Variants in CTNNA2 observed in about 807,000 individuals in gnomAD.
The protein encoded by CTNNA2 is catenin alpha-2.
A neutral mutation model predicts 101.0 loss-of-function variants in CTNNA2; 42 were observed. The observed-to-expected ratio is 0.42, with a 90% confidence interval of 0.32 to 0.54. CTNNA2 has a LOEUF of 0.54. Among genes scored for constraint, CTNNA2 ranks in the 20% least tolerant of loss-of-function variants. The pLI is 0.14. For synonymous variants in CTNNA2, 450 were observed against 456.4 expected (o/e 0.99, Z 0.18); for missense variants, 871 against 1,223.1 (o/e 0.71, Z 4.29).
chr2:79,428,437 A>T (rs1168421777), intron 4 of CTNNA2, among the ~76,000 whole-genome samples: 1 of 152,124 alleles, frequency 6.6e-6, no homozygotes, highest in Non-Finnish European at 1.5e-5. Context: ...TGGAACATCT[A>T]GTAGTCACTG....
At chr2:80,326,949 T>A (rs1670862123) in intron 7 of CTNNA2, among the ~76,000 whole-genome samples, 1 of 152,146 alleles carries the variant, frequency 6.6e-6, no homozygotes, top group South Asian at 2.1e-4. Flanking sequence ...CCCTAATTTA[T>A]TTGCTTTTTA....
intron 2 of CTNNA2, among the ~76,000 whole-genome samples, chr2:79,682,692 A>T (rs1683662416): frequency 6.6e-6 from 1 of 152,180 alleles, no homozygotes; most frequent in Non-Finnish European, 1.5e-5. Flanking sequence ...GAGTTGAGTT[A>T]AAAAATTTTA....
At chr2:79,742,853 C>T (rs184392125) in intron 2 of CTNNA2, among the ~76,000 whole-genome samples, 2 of 152,096 alleles carry the variant, frequency 1.3e-5, no homozygotes, top group African/African-American at 4.8e-5. Flanking sequence ...AAAAGAGAGC[C>T]GAATAAAACA....
chr2:79,340,661 G>A (rs1479294701), intron 3 of CTNNA2, among the ~76,000 whole-genome samples: 2 of 151,880 alleles, frequency 1.3e-5, no homozygotes, highest in African/African-American at 4.8e-5. Flanking sequence ...GTGAAACCCT[G>A]TCTCTACTAA....
At chr2:80,484,163 T>A (rs1376498477) in intron 9 of CTNNA2, among the ~76,000 whole-genome samples, 2 of 152,160 alleles carry the variant, frequency 1.3e-5, no homozygotes, top group East Asian at 1.9e-4. Flanking sequence ...ATTGGTTTTT[T>A]AATTTTTTTA....
At chr2:80,472,718 G>T (rs911272996) in intron 9 of CTNNA2, among the ~76,000 whole-genome samples, 1 of 152,106 alleles carries the variant, frequency 6.6e-6, no homozygotes, top group Middle Eastern at 3.2e-3. Context: ...CTTGATCTAG[G>T]GTGGGGAGAG....
Position 79,359,388 on chromosome 2 carries a change from C to T in CTNNA2, c.-317-14443C>T, listed in dbSNP as rs1302175136. 2.0e-5 allele frequency among the ~76,000 whole-genome samples: 3 copies of T among 152,238 alleles called. 1 individual carries two copies. The highest frequency in any genetic ancestry group is 1.5e-5 in the Non-Finnish European group (1 of 68,026). ...CCAATCCTGTTAGAACTCACAGGGCCCTAACATGACACCCCTGCTGAGAGA... is the reference window on the plus strand; with the variant it reads ...CCAATCCTGTTAGAACTCACAGGGCTCTAACATGACACCCCTGCTGAGAGA... On this transcript the variant is annotated intron_variant, in intron 3 of 21. Coordinates refer to the CTNNA2 transcript ENST00000466387.
chr2:80,048,022 G>C (rs2104315345), intron 7 of CTNNA2, among the ~76,000 whole-genome samples: 1 of 152,250 alleles, frequency 6.6e-6, no homozygotes, highest in Middle Eastern at 3.4e-3. Context: ...TAACAGTAGA[G>C]CCCTATGTTA....
chr2:79,360,744 A>G (rs1242954662), intron 3 of CTNNA2, among the ~76,000 whole-genome samples: 1 of 152,192 alleles, frequency 6.6e-6, no homozygotes, highest in East Asian at 1.9e-4. Flanking sequence ...AATTAAGTCA[A>G]GATGTATCCA....
intron 7 of CTNNA2, among the ~76,000 whole-genome samples, chr2:79,967,623 T>G (rs2104558097): frequency 6.6e-6 from 1 of 152,272 alleles, no homozygotes; most frequent in East Asian, 1.9e-4. Flanking sequence ...AGCTAATTTC[T>G]CCAACAAACA....
chr2:79,892,707 A>G (rs1684396640), intron 6 of CTNNA2, among the ~76,000 whole-genome samples: 1 of 152,200 alleles, frequency 6.6e-6, no homozygotes, highest in African/African-American at 2.4e-5. Flanking sequence ...ACTAGCTACT[A>G]TGATGCTGCA....
intron 7 of CTNNA2, among the ~76,000 whole-genome samples, chr2:80,081,399 T>C (rs1422283731): frequency 1.3e-5 from 2 of 152,118 alleles, no homozygotes; most frequent in Non-Finnish European, 2.9e-5. Context: ...TTTCGTTATC[T>C]GATGGTATGT....
chr2:79,356,386 T>C (rs2104443037), intron 3 of CTNNA2, among the ~76,000 whole-genome samples: 1 of 152,302 alleles, frequency 6.6e-6, no homozygotes, highest in South Asian at 2.1e-4. Flanking sequence ...AAATATTTCT[T>C]CCATTTTGTA....
intron 2 of CTNNA2, among the ~76,000 whole-genome samples, chr2:79,716,890 C>A (rs1010338045): frequency 6.6e-6 from 1 of 151,978 alleles, no homozygotes. Flanking sequence ...AAAACATTGA[C>A]AAAGGCATGA....
intron 7 of CTNNA2, among the ~76,000 whole-genome samples, chr2:80,194,195 A>G (rs752441791): frequency 1.4e-4 from 22 of 152,186 alleles, no homozygotes; most frequent in Non-Finnish European, 3.2e-4. Flanking sequence ...GTTAAGACAC[A>G]TTCTATTTGT....
At position 79,532,951 on chromosome 2, in the gene CTNNA2, C is replaced by G. The variant is rs540310593; in HGVS notation, c.-6+19744C>G. On this transcript the variant is annotated intron_variant, in intron 1 of 18. Transcript: ENST00000402739. Reference sequence around the variant, plus strand: ...CATTCCAAAAAGACATTATCATGCTCCTCTAAGGGAACCCTCTTCCCTGAC... The same window carrying G: ...CATTCCAAAAAGACATTATCATGCTGCTCTAAGGGAACCCTCTTCCCTGAC... Among the ~76,000 whole-genome samples the G allele has an allele frequency of 5.3e-5, 8 of 152,200 alleles. No homozygotes were observed. The South Asian group carries it at 1.7e-3, about 32-fold the overall frequency.
At chr2:79,532,877 C>T (rs1037316041) in intron 1 of CTNNA2, among the ~76,000 whole-genome samples, 2 of 152,072 alleles carry the variant, frequency 1.3e-5, no homozygotes, top group African/African-American at 4.8e-5. Flanking sequence ...AGTGCCTTAG[C>T]CTACCGTAAC....
intron 3 of CTNNA2, among the ~76,000 whole-genome samples, chr2:79,820,010 TCA>T (rs1677877262): frequency 6.6e-6 from 1 of 152,162 alleles, no homozygotes; most frequent in Non-Finnish European, 1.5e-5. Context: ...AAATCTTAGT[TCA>T]TCGTCTAGTT....
chr2:79,267,676 G>A (rs925139478), intron 2 of CTNNA2, among the ~76,000 whole-genome samples: 4 of 152,176 alleles, frequency 2.6e-5, no homozygotes, highest in Admixed American at 2.0e-4. Context: ...CCAAAGAGCT[G>A]TAGTGGGACC....
Sources: gnomAD v4.1 joint callset for allele counts (sites outside exome capture counted in the v4.1 genomes callset) on GRCh38, gnomAD v4.1.1 for gene constraint, MANE v1.5 for transcripts, NCBI Gene and HGNC (gene_info 2026-07-23, HGNC 2026-07-21) for gene names.